Variants in FGD4 observed in about 807,000 individuals in gnomAD.
FGD4 encodes FYVE, RhoGEF and PH domain containing 4.
In FGD4, 42 loss-of-function variants were observed where a neutral mutation model predicts 102.0. The observed-to-expected ratio is 0.41, with a 90% CI of 0.32 to 0.53. The LOEUF (loss-of-function observed/expected upper bound fraction) is 0.53, where lower values mean the gene tolerates loss of function less well. Among genes scored for constraint, FGD4 ranks in the 20% least tolerant of loss-of-function variants. The pLI is 0.21. For synonymous variants in FGD4, 380 were observed against 375.7 expected, an observed-to-expected ratio of 1.01 and a Z score of -0.13; for missense variants, 902 against 1,078.2, an observed-to-expected ratio of 0.84 and a Z score of 2.29.
intron 14 of FGD4, among the ~76,000 whole-genome samples, chr12:32,626,375 C>T (rs1413629869): frequency 2.1e-5 from 3 of 144,764 alleles, no homozygotes; most frequent in Middle Eastern, 3.6e-3. Flanking sequence ...ACCCAGAAGG[C>T]GGAGGTTGCA....
At chr12:32,590,062 C>T (rs1643510824) in intron 4 of FGD4, among the ~76,000 whole-genome samples, 1 of 152,102 alleles carries the variant, frequency 6.6e-6, no homozygotes, top group African/African-American at 2.4e-5. Flanking sequence ...AATCCCAGCA[C>T]TTTGGGAGGC....
intron 1 of FGD4, chr12:32,557,137 G>T (rs1037022519): frequency 6.6e-6 from 1 of 152,210 alleles, no homozygotes; most frequent in South Asian, 2.1e-4. Flanking sequence ...ACAGGCCTGC[G>T]CCACGATGCC....
At chr12:32,564,089 G>GT in intron 1 of FGD4, 48 bp from the exon 2 acceptor site, 2 of 1,512,430 alleles carry the variant, frequency 1.3e-6, no homozygotes, top group Non-Finnish European at 8.8e-7. Context: ...AGGCAGTATT[G>GT]TGATATGCCT....
Position 32,601,283 on chromosome 12 carries a change from T to C in FGD4, c.1107T>C (p.Phe369=), listed in dbSNP as rs746160540. Residue 369 remains phenylalanine (F), a synonymous_variant, in exon 6 of 17, where the codon TTT becomes TTC. Coordinates refer to ENST00000534526, the MANE Select transcript of FGD4 (RefSeq NM_001370298.3). ...VNRLDLLDQV[F]YCKLLEEANR... ...TACATTATTCTTTTATTCAGGTATT[T>C]TATTGCAAACTGTTGGAAGAAGCAA... The C allele has an allele frequency of 2.5e-6, 4 of 1,614,036 alleles. No individual in the cohort carries two copies. In the South Asian group the frequency reaches 3.3e-5, roughly 13 times the overall value.
chr12:32,568,197 G>A (rs1945346795), intron 2 of FGD4, among the ~76,000 whole-genome samples: 1 of 152,208 alleles, frequency 6.6e-6, no homozygotes, highest in African/African-American at 2.4e-5. Flanking sequence ...TGACCAGAAT[G>A]GCAGCCCTTT....
At chr12:32,564,322 G>A in intron 2 of FGD4, 33 bp downstream of exon 2, 3 of 1,529,988 alleles carry the variant, frequency 2.0e-6, no homozygotes, top group Non-Finnish European at 1.7e-6. Context: ...TTCGGGGTGG[G>A]TACGTTGTTG....
chr12:32,438,756 C>T lies in FGD4; in HGVS notation c.166+38797C>T, dbSNP rs572429870. On this transcript the variant is annotated intron_variant, in intron 1 of 16. Coordinates refer to ENST00000534526, the MANE Select transcript of FGD4 (RefSeq NM_001370298.3). ...GAGGAGCTGGGACTATAGGAGCCCG[C>T]CACCACGCCCAGCTAATTTTCTGTG... 2.0e-5 allele frequency among the ~76,000 whole-genome samples: 3 copies of T among 152,124 alleles called. No homozygotes were observed. The South Asian group carries it at 6.2e-4, about 32-fold the overall frequency.
rs564009992 is a variant in FGD4 at position 32,526,096 on chromosome 12, C to T, written c.167-38041C>T. ...ACTGGCAGGCAGCTCCACCTGCAGC[C>T]CCGGTGCGGGATCCACTAGGTGAAG... On this transcript the variant is annotated intron_variant, in intron 1 of 16. Transcript: ENST00000534526. 7.2e-5 allele frequency among the ~76,000 whole-genome samples: 11 copies of T among 152,362 alleles called. 1 individual carries two copies. The South Asian group carries it at 1.9e-3, about 26-fold the overall frequency.
intron 4 of FGD4, among the ~76,000 whole-genome samples, chr12:32,587,486 G>T (rs1947144202): frequency 1.3e-5 from 2 of 152,016 alleles, no homozygotes; most frequent in South Asian, 4.1e-4. Flanking sequence ...CACGTCCTAG[G>T]TTCAAGCAAT....
At chr12:32,585,337 G>A (rs1331659792) in intron 4 of FGD4, among the ~76,000 whole-genome samples, 1 of 149,338 alleles carries the variant, frequency 6.7e-6, no homozygotes, top group African/African-American at 2.5e-5. Flanking sequence ...TGGCTACTCA[G>A]TTTACTAGGT....
At chr12:32,450,327 C>T (rs1370728431) in intron 1 of FGD4, among the ~76,000 whole-genome samples, 1 of 152,194 alleles carries the variant, frequency 6.6e-6, no homozygotes, top group Admixed American at 6.5e-5. Context: ...CTGCCTTAGC[C>T]TTCCAAAGTG....
chr12:32,488,585 AT>A (rs949891228), intron 1 of FGD4, among the ~76,000 whole-genome samples: 2 of 151,804 alleles, frequency 1.3e-5, no homozygotes, highest in African/African-American at 4.8e-5. Context: ...CAACAACCTG[AT>A]TTTTTTTGTT....
chr12:32,603,891 A>G (rs114902585), intron 7 of FGD4, among the ~76,000 whole-genome samples: 1,747 of 151,820 alleles, frequency 0.012, 40 homozygotes, highest in African/African-American at 0.04. Flanking sequence ...TTTTATAGAA[A>G]CAAGGTCTGG....
intron 1 of FGD4, among the ~76,000 whole-genome samples, chr12:32,538,500 A>C (rs1463842676): frequency 6.6e-6 from 1 of 152,222 alleles, no homozygotes; most frequent in South Asian, 2.1e-4. Flanking sequence ...GTTGAGCAGC[A>C]TGTCAATAAT....
chr12:32,407,869 T>G (rs1183402607), intron 1 of FGD4, among the ~76,000 whole-genome samples: 4 of 152,132 alleles, frequency 2.6e-5, no homozygotes, highest in Admixed American at 6.6e-5. Context: ...ATAAACCCAG[T>G]CCTCAGAGAC....
At chr12:32,547,654 A>G (rs915441692) in intron 1 of FGD4, among the ~76,000 whole-genome samples, 1 of 152,270 alleles carries the variant, frequency 6.6e-6, no homozygotes, top group Non-Finnish European at 1.5e-5. Context: ...TAACAGTAGT[A>G]AGAATAGCAG....
intron 15 of FGD4, among the ~76,000 whole-genome samples, chr12:32,636,151 AAAAAAACACCCTGGCTC>A (rs1321912017): frequency 1.3e-5 from 2 of 152,230 alleles, no homozygotes; most frequent in South Asian, 4.1e-4. Context: ...GTGGTCGCGT[AAAAAAACACCCTGGCTC>A]ATGGGCCATA....
At chr12:32,592,300 ATC>A (rs918030918) in intron 4 of FGD4, among the ~76,000 whole-genome samples, 67 of 151,932 alleles carry the variant, frequency 4.4e-4, no homozygotes, top group African/African-American at 1.4e-3. Flanking sequence ...TACTTTTGAT[ATC>A]TCTATTTAAA....
At chr12:32,576,126 T>C (rs1444263231) in intron 2 of FGD4, 140 bp from the exon 3 acceptor site, 20 of 786,404 alleles carry the variant, frequency 2.5e-5, no homozygotes, top group Non-Finnish European at 4.0e-5. Flanking sequence ...CTTTTGGTTA[T>C]GGTTTAGTTC....
Sources: allele counts gnomAD v4.1 joint callset (sites outside exome capture counted in the v4.1 genomes callset), GRCh38; gene constraint gnomAD v4.1.1; transcripts MANE v1.5; gene names NCBI Gene and HGNC (gene_info 2026-07-23, HGNC 2026-07-21).